DNAH7: variants seen among roughly 807,000 people sequenced by gnomAD.
The protein encoded by DNAH7 is dynein axonemal heavy chain 7.
In DNAH7, 397 loss-of-function variants were observed where a neutral mutation model predicts 444.6. The ratio of observed to expected loss-of-function variants is 0.89; its 90% CI spans 0.82 to 0.97. DNAH7 has a LOEUF of 0.97. DNAH7 is among the 50% of genes least tolerant of loss of function. DNAH7 has a pLI of 0.00. For missense variants in DNAH7, 4,902 were observed against 4,800.8 expected (o/e 1.02, Z -0.62); for synonymous variants, 1,636 against 1,624.4 (o/e 1.01, Z -0.17).
chr2:196,015,581 G>C (rs1337825113), intron 9 of DNAH7, among the ~76,000 whole-genome samples: 1 of 152,042 alleles, frequency 6.6e-6, no homozygotes, highest in Non-Finnish European at 1.5e-5. Context: ...GCATTACAAA[G>C]GCTATCTATG....
chr2:195,747,404 G>T (rs925761040), intron 63 of DNAH7, among the ~76,000 whole-genome samples: 1 of 152,174 alleles, frequency 6.6e-6, no homozygotes, highest in Non-Finnish European at 1.5e-5. Context: ...AATTCTACCA[G>T]AGGCACAAGG....
At chr2:195,863,876 A>G (rs1439873510) in intron 41 of DNAH7, among the ~76,000 whole-genome samples, 1 of 152,140 alleles carries the variant, frequency 6.6e-6, no homozygotes, top group Non-Finnish European at 1.5e-5. Flanking sequence ...TGAAGGGTTC[A>G]AGGTTGCTCT....
At position 195,988,791 on chromosome 2, in the gene DNAH7, TCTAA is replaced by T. The variant is rs1160056793; in HGVS notation, c.1354-566_1354-563del. Among the ~76,000 whole-genome samples, 4 of 152,106 alleles carry T rather than the reference TCTAA, an allele frequency of 2.6e-5. No homozygotes were observed. In the East Asian group the frequency reaches 5.8e-4, roughly 22 times the overall value. The stretch of plus-strand genomic sequence containing the variant: ...AGAACACCAGAACTTACTCCTCCCA[TCTAA>T]CTAACTTTGTACTCAATTACCAACC... On this transcript the variant is annotated intron_variant, in intron 12 of 64. Transcript: ENST00000312428.
In DNAH7 at chr2:195,884,633, G is replaced by T. The variant is rs772642319; in HGVS notation, c.5715C>A (p.Val1905=). Reference sequence around the variant, plus strand: ...AAATTGTTCCTTTTTCAGGAAATGGGACAGTTAGTGCCTTTGAGGATGTTT... The same window carrying T: ...AAATTGTTCCTTTTTCAGGAAATGGTACAGTTAGTGCCTTTGAGGATGTTT... ...TEQTSSKALT[V]PFPEKGTIYD... Residue 1905 remains valine (V), a synonymous_variant, in exon 35 of 65, where the codon GTC becomes GTA. Transcript: ENST00000312428. 1.2e-6 allele frequency: 2 copies of T among 1,613,972 alleles called. No individual in the cohort carries two copies. The highest frequency in any genetic ancestry group is 1.7e-6 in the Non-Finnish European group (2 of 1,179,998).
chr2:195,921,158 C>CGTT (rs1382504613), intron 24 of DNAH7, among the ~76,000 whole-genome samples: 13 of 152,212 alleles, frequency 8.5e-5, no homozygotes, highest in Non-Finnish European at 1.3e-4. Flanking sequence ...GTGGAGATTC[C>CGTT]TTAAAGAACT....
At chr2:195,807,152 ATTCT>A (rs796332981) in intron 53 of DNAH7, among the ~76,000 whole-genome samples, 5 of 150,904 alleles carry the variant, frequency 3.3e-5, no homozygotes, top group African/African-American at 4.9e-5. Flanking sequence ...AAACACAGGC[ATTCT>A]TTTTTTTTTT....
At position 195,972,436 on chromosome 2, in the gene DNAH7, T is replaced by C. The variant is rs780113708; in HGVS notation, c.1864A>G (p.Met622Val). 2.2e-5 allele frequency: 36 copies of C among 1,614,106 alleles called. No individual in the cohort carries two copies. The highest frequency in any genetic ancestry group is 4.5e-5 in the East Asian group (2 of 44,870). ...AYIQKVEVTD[M>V]IELEQRLVDS... ...ACTAATCTCTGTTCTAGTTCAATCATATCAGTTACCTCCACTTTCTGAATG... is the reference window on the plus strand; with the variant it reads ...ACTAATCTCTGTTCTAGTTCAATCACATCAGTTACCTCCACTTTCTGAATG... The change falls in exon 16 of 65, where the codon ATG (methionine) becomes GTG (valine). Residue 622 changes from methionine to valine, a missense_variant. By Grantham distance (21) the Met-to-Val change is conservative. Coordinates refer to ENST00000312428, the MANE Select transcript of DNAH7 (RefSeq NM_018897.3).
chr2:196,038,973 T>C (rs1696561455), intron 5 of DNAH7, among the ~76,000 whole-genome samples: 1 of 152,156 alleles, frequency 6.6e-6, no homozygotes, highest in South Asian at 2.1e-4. Flanking sequence ...ACAGATCATC[T>C]AGACAGTAAA....
At chr2:196,047,947 T>C (rs936826730) in intron 4 of DNAH7, among the ~76,000 whole-genome samples, 1 of 152,036 alleles carries the variant, frequency 6.6e-6, no homozygotes, top group African/African-American at 2.4e-5. Flanking sequence ...ATGTTCACAA[T>C]TTATTAAAAC....
intron 28 of DNAH7, 103 bp downstream of exon 28, chr2:195,900,179 A>G: frequency 1.6e-6 from 2 of 1,264,988 alleles, no homozygotes; most frequent in Non-Finnish European, 2.2e-6. Context: ...ATTTTTTTCA[A>G]TCAATTAAGG....
chr2:195,890,102 G>T (rs1289293716), intron 31 of DNAH7, among the ~76,000 whole-genome samples: 1 of 152,122 alleles, frequency 6.6e-6, no homozygotes, highest in Non-Finnish European at 1.5e-5. Flanking sequence ...AGTGGTGAAG[G>T]ATTTGAATCC....
rs567190735 is a variant in DNAH7, at chr2:196,044,786, G to T, written c.398+2566C>A. Among the ~76,000 whole-genome samples the T allele has an allele frequency of 5.9e-5, 9 of 152,066 alleles. No homozygotes were observed. In the East Asian group the frequency reaches 1.7e-3, roughly 29 times the overall value. ...CTTTATTCTCATTGAAAGAACTACT[G>T]GTCAGACACAGTGGCTCACACCTAT... On this transcript the variant is annotated intron_variant, in intron 5 of 64. Transcript: ENST00000312428.
chr2:195,808,728 T>G lies in DNAH7; in HGVS notation c.10037A>C (p.Glu3346Ala). The change falls in exon 53 of 65, where the codon GAG becomes GCG. Residue 3346 changes from glutamate (E) to alanine (A), a missense_variant. Transcript: ENST00000312428. ...DLPAFKTIRREFMRLKDGWKK... is the reference protein window; with the variant it reads ...DLPAFKTIRRAFMRLKDGWKK... ...CCATCCATCCTTTAAGCGCATAAACTCTCTACGAATGGTTTTGAAGGCAGG... is the reference window on the plus strand; with the variant it reads ...CCATCCATCCTTTAAGCGCATAAACGCTCTACGAATGGTTTTGAAGGCAGG... The G allele has an allele frequency of 6.2e-7, 1 of 1,614,038 alleles. No homozygotes were observed. Among genetic ancestry groups the G allele is most frequent in the South Asian group, 1.1e-5 (1 of 91,080 alleles).
At chr2:195,895,368 A>C (rs1181161980) in intron 29 of DNAH7, 144 bp from the exon 30 acceptor site, 6 of 529,374 alleles carry the variant, frequency 1.1e-5, no homozygotes, top group Non-Finnish European at 1.6e-5. Context: ...TCACATACGC[A>C]AACGTGTATT....
At chr2:195,850,416 T>C (rs1176250712) in intron 46 of DNAH7, among the ~76,000 whole-genome samples, 1 of 152,118 alleles carries the variant, frequency 6.6e-6, no homozygotes, top group Non-Finnish European at 1.5e-5. Context: ...TAAAGGTCAA[T>C]TAGAAGGTTC....
At chr2:196,042,840 C>T (rs1559363045) in intron 5 of DNAH7, among the ~76,000 whole-genome samples, 1 of 152,090 alleles carries the variant, frequency 6.6e-6, no homozygotes, top group Non-Finnish European at 1.5e-5. Context: ...ATTCTACACT[C>T]AGCTATCTGC....
rs189892721 is a variant in DNAH7 at position 195,741,502 on chromosome 2, C to T, written c.11765-633G>A. On this transcript the variant is annotated intron_variant, in intron 63 of 64. Coordinates refer to ENST00000312428, the MANE Select transcript of DNAH7 (RefSeq NM_018897.3). ...TCTTTGGCTTTACATATCAGTAAAG[C>T]CTCATGGATTGGAGTCTGCAGGTAA... is the stretch of plus-strand genomic sequence containing the variant. Among the ~76,000 whole-genome samples, 36 of 152,230 alleles carry T rather than the reference C, an allele frequency of 2.4e-4. No homozygotes were observed. The East Asian group carries it at 6.6e-3, about 28-fold the overall frequency.
intron 55 of DNAH7, among the ~76,000 whole-genome samples, chr2:195,798,546 TTTTTTTTTTTTTC>T (rs1388900274): frequency 2.0e-5 from 2 of 99,118 alleles, no homozygotes; most frequent in African/African-American, 6.6e-5. Flanking sequence ...AATTTTTTTT[TTTTTTTTTTTTTC>T]TTGAGATGGA....
At position 195,861,500 on chromosome 2, in the gene DNAH7, T is replaced by C. The variant is rs75910973; in HGVS notation, c.7736+217A>G. Among the ~76,000 whole-genome samples, 2,641 of 152,284 alleles carry C rather than the reference T, an allele frequency of 0.017. 81 individuals carry two copies. The highest frequency in any genetic ancestry group is 0.061 in the African/African-American group (2,518 of 41,556). ...AATATCTTCATTCTTCCAAGAGTTA[T>C]TATGCATCTATGATGTGCTAGGCAA... On this transcript the variant is annotated intron_variant, in intron 42 of 64. Coordinates refer to ENST00000312428, the MANE Select transcript of DNAH7 (RefSeq NM_018897.3).
Sources: allele counts gnomAD v4.1 joint callset (sites outside exome capture counted in the v4.1 genomes callset), GRCh38; gene constraint gnomAD v4.1.1; transcripts MANE v1.5; gene names NCBI Gene and HGNC (gene_info 2026-07-23, HGNC 2026-07-21).